Variants in THTPA observed in about 807,000 individuals in gnomAD.
THTPA encodes the protein thiamine-triphosphatase.
THTPA carries 16 observed loss-of-function variants against 16.5 expected under a neutral mutation model. That is an observed-to-expected ratio of 0.97 (90% CI 0.66 to 1.47). THTPA has a LOEUF of 1.47. Ranked by LOEUF, THTPA falls within the 40% of genes most tolerant of loss-of-function variation. THTPA has a pLI of 0.00. For synonymous variants in THTPA, 110 were observed against 115.5 expected, an observed-to-expected ratio of 0.95 and a Z score of 0.30; for missense variants, 281 against 280.9, an observed-to-expected ratio of 1.00 and a Z score of 0.00.
At chr14:23,532,898 C>T in the THTPA span, 47 of 1,536,082 alleles carry the variant, frequency 3.1e-5, no homozygotes, top group South Asian at 3.6e-5. Flanking sequence ...CGGGAGGCTC[C>T]GGCCTATGCT....
At chr14:23,534,555 CTG>C in the THTPA span, 2 of 1,536,142 alleles carry the variant, frequency 1.3e-6, no homozygotes, top group East Asian at 2.4e-5. This position sits in a 1 kb window ranked among gnomAD's most constrained non-coding sequence, Gnocchi z 4.5. Flanking sequence ...CCCCATGAGA[CTG>C]TGTGTGATCC....
At position 23,559,650 on chromosome 14, in the gene THTPA, G is replaced by C; in HGVS notation, c.*810G>C. On this transcript the variant is annotated 3_prime_UTR_variant, in exon 2 of 2. Transcript: ENST00000288014. ...CCCCAGTTTTTGCAGTGCAAAGCCA[G>C]AGCGCCACCTGCTGGTAGCCCTCAG... 1 of 1,096,836 alleles carries C rather than the reference G, an allele frequency of 9.1e-7. No individual in the cohort carries two copies. Among genetic ancestry groups the C allele is most frequent in the Non-Finnish European group, 1.4e-6 (1 of 732,478 alleles). 67.9% of individuals were successfully genotyped at this position (1,096,836 alleles called of 1,614,324 possible). A position where few individuals can be genotyped will look rare whatever the true frequency, so the allele number is the denominator to read the frequency against.
chr14:23,535,208 C>A, the THTPA span: 1 of 1,529,040 alleles, frequency 6.5e-7, no homozygotes, highest in Non-Finnish European at 8.8e-7. The surrounding 1 kb of genome is among the most constrained non-coding windows in gnomAD (Gnocchi z 4.5). Context: ...GCAGGGGGAT[C>A]TTTGGTGACA....
the THTPA span, chr14:23,548,392 C>A: frequency 6.6e-6 from 1 of 152,182 alleles, no homozygotes; most frequent in South Asian, 2.1e-4. Flanking sequence ...CCTACCAATT[C>A]GACCCAGGCC....
chr14:23,525,121 G>T, the THTPA span: 2 of 1,536,156 alleles, frequency 1.3e-6, no homozygotes, highest in Admixed American at 3.9e-5. The surrounding 1 kb of genome is among the most constrained non-coding windows in gnomAD (Gnocchi z 5.9). Flanking sequence ...GCAGGGCTTG[G>T]GTCTGGAACT....
In THTPA at chr14:23,557,189, GGACTTGGATACAGCC is replaced by G; in HGVS notation, c.438_452del (p.Leu146_Asp150del). The G allele has an allele frequency of 6.2e-7, 1 of 1,614,132 alleles. No individual in the cohort carries two copies. On this transcript the variant is annotated inframe_deletion, in exon 1 of 2. Transcript: ENST00000288014. Reference sequence around the variant, plus strand: ...ATGAAGAGGAGCCACAGCTCAGGGTGGACTTGGATACAGCCGACTTTGGCTACGCTGTGGGTGAGG... The same window carrying G: ...ATGAAGAGGAGCCACAGCTCAGGGTGGACTTTGGCTACGCTGTGGGTGAGG...
the THTPA span, chr14:23,532,703 CCCA>C: frequency 6.5e-7 from 1 of 1,533,182 alleles, no homozygotes; most frequent in Non-Finnish European, 8.7e-7. Flanking sequence ...AGCCCCATCT[CCCA>C]GGGATGCTGG....
chr14:23,524,983 A>T, the THTPA span: 3 of 1,536,122 alleles, frequency 2.0e-6, no homozygotes, highest in Admixed American at 5.9e-5. The surrounding 1 kb of genome is among the most constrained non-coding windows in gnomAD (Gnocchi z 5.6). Context: ...CCTCACAGGC[A>T]TTTTTGCGTG....
At chr14:23,523,667 A>T in the THTPA span, 1 of 1,542,360 alleles carries the variant, frequency 6.5e-7, no homozygotes, top group Non-Finnish European at 8.7e-7. This position sits in a 1 kb window ranked among gnomAD's most constrained non-coding sequence, Gnocchi z 4.1. Flanking sequence ...ACACTCCTGC[A>T]TGGTGGGGGT....
chr14:23,556,682 A>T lies in THTPA; in HGVS notation c.-76A>T. 1.3e-6 allele frequency: 2 copies of T among 1,493,388 alleles called. No individual in the cohort carries two copies. Among genetic ancestry groups the T allele is most frequent in the Admixed American group, 4.2e-5 (2 of 47,522 alleles). The allele number at this position is 1,493,388 out of a possible 1,614,324, so 92.5% of individuals were successfully genotyped here. On this transcript the variant is annotated 5_prime_UTR_variant, in exon 1 of 2. Coordinates refer to ENST00000288014, the MANE Select transcript of THTPA (RefSeq NM_024328.6). Reference sequence around the variant, plus strand: ...CAGGGAGGGGTTCTGTACTGAGTTGACGCCCCAGGAGCTGAGCACCAGGCT... The same window carrying T: ...CAGGGAGGGGTTCTGTACTGAGTTGTCGCCCCAGGAGCTGAGCACCAGGCT...
the THTPA span, chr14:23,523,133 G>A: frequency 7.1e-7 from 1 of 1,401,330 alleles, no homozygotes; most frequent in Non-Finnish European, 9.2e-7. This position sits in a 1 kb window ranked among gnomAD's most constrained non-coding sequence, Gnocchi z 4.1. Context: ...AATCAGGAAG[G>A]AAAAGGAAGG....
chr14:23,520,226 G>C, the THTPA span, among the ~76,000 whole-genome samples: 1 of 152,098 alleles, frequency 6.6e-6, no homozygotes, highest in East Asian at 1.9e-4. The surrounding 1 kb of genome is among the most constrained non-coding windows in gnomAD (Gnocchi z 8.7). Context: ...AACCCCATGA[G>C]TCTCATGGAC....
chr14:23,528,692 TTTCTTTTTCCTTC>T, the THTPA span: 4 of 985,292 alleles, frequency 4.1e-6, no homozygotes, highest in African/African-American at 1.7e-5. Flanking sequence ...ATTTTCCATC[TTTCTTTTTCCTTC>T]TTCTTTTTCC....
the THTPA span, among the ~76,000 whole-genome samples, chr14:23,537,220 G>C: frequency 2.0e-5 from 3 of 151,700 alleles, no homozygotes; most frequent in Non-Finnish European, 4.4e-5. Flanking sequence ...AAGCGCCAAG[G>C]CTCCCATCCT....
chr14:23,528,615 G>T, the THTPA span: 1 of 985,336 alleles, frequency 1.0e-6, no homozygotes, highest in Non-Finnish European at 1.2e-6. Flanking sequence ...CCATCACCTG[G>T]AAAGGGGCCC....
chr14:23,558,731 T>C lies in THTPA; in HGVS notation c.584T>C (p.Ile195Thr), dbSNP rs1882883341. ...PAQETAPAKL[I>T]VYLQRFRPQD... is the part of the protein sequence containing the mutation. ...CAGGAGACAGCACCAGCCAAGCTGATTGTGTATCTACAGCGTTTCCGGCCT... is the reference window on the plus strand; with the variant it reads ...CAGGAGACAGCACCAGCCAAGCTGACTGTGTATCTACAGCGTTTCCGGCCT... Residue 195 changes from isoleucine (I) to threonine (T), a missense_variant, in exon 2 of 2, where the codon ATT becomes ACT. Transcript: ENST00000288014. 6.2e-7 allele frequency: 1 copy of C among 1,614,212 alleles called. No individual in the cohort carries two copies. Among genetic ancestry groups the C allele is most frequent in the East Asian group, 2.2e-5 (1 of 44,888 alleles).
chr14:23,533,592 T>C, the THTPA span: 1 of 1,536,698 alleles, frequency 6.5e-7, no homozygotes, highest in Non-Finnish European at 8.7e-7. This position sits in a 1 kb window ranked among gnomAD's most constrained non-coding sequence, Gnocchi z 4.8. Flanking sequence ...GGGAGATGTT[T>C]GTCTCGTAGC....
chr14:23,528,338 C>T, the THTPA span, among the ~76,000 whole-genome samples: 2 of 152,194 alleles, frequency 1.3e-5, no homozygotes, highest in Non-Finnish European at 2.9e-5. Flanking sequence ...TAGCTTAGGC[C>T]GCTACCTTGC....
chr14:23,526,358 A>G, the THTPA span: 1 of 1,536,326 alleles, frequency 6.5e-7, no homozygotes, highest in Non-Finnish European at 8.7e-7. Flanking sequence ...CTCCTTACAC[A>G]CAGTGCACTT....
Sources: gnomAD v4.1 joint callset for allele counts (sites outside exome capture counted in the v4.1 genomes callset) on GRCh38, gnomAD v4.1.1 for gene constraint, Gnocchi (gnomAD v3.1) non-coding constraint, MANE v1.5 for transcripts, NCBI Gene and HGNC (gene_info 2026-07-23, HGNC 2026-07-21) for gene names.